CCDC146: variants seen among roughly 807,000 people sequenced by gnomAD.
CCDC146 encodes coiled-coil domain containing 146, also known as coiled-coil domain-containing protein 146.
A neutral mutation model predicts 119.3 loss-of-function variants in CCDC146; 92 were observed. The ratio of observed to expected loss-of-function variants is 0.77; its 90% CI spans 0.65 to 0.92. The LOEUF is 0.92. CCDC146 is among the 40% of genes least tolerant of loss of function. The pLI is 0.00. For synonymous variants in CCDC146, 372 were observed against 371.8 expected (o/e 1.00, Z -0.01); for missense variants, 1,000 against 1,103.0 (o/e 0.91, Z 1.32).
At chr7:77,150,401 G>A (rs1456994727) in intron 1 of CCDC146, among the ~76,000 whole-genome samples, 3 of 152,142 alleles carry the variant, frequency 2.0e-5, no homozygotes, top group Non-Finnish European at 2.9e-5. Context: ...AAAAATATCT[G>A]AACAGATACT....
chr7:77,235,385 C>G (rs1450610736), intron 2 of CCDC146, among the ~76,000 whole-genome samples: 1 of 152,088 alleles, frequency 6.6e-6, no homozygotes, highest in Non-Finnish European at 1.5e-5. Flanking sequence ...TAAGCTGAGA[C>G]ATGAAGAAAG....
intron 1 of CCDC146, among the ~76,000 whole-genome samples, chr7:77,151,697 G>A (rs141395876): frequency 1.3e-5 from 2 of 152,008 alleles, no homozygotes; most frequent in South Asian, 2.1e-4. Context: ...CTGCATTCAG[G>A]GTCATTAGGT....
At chr7:77,148,070 T>C (rs1791050903) in intron 1 of CCDC146, among the ~76,000 whole-genome samples, 1 of 152,184 alleles carries the variant, frequency 6.6e-6, no homozygotes, top group East Asian at 1.9e-4. Flanking sequence ...AGTTCGAGCT[T>C]CCAGGCCACT....
intron 7 of CCDC146, 83 bp from the exon 8 acceptor site, chr7:77,259,926 T>C: frequency 1.0e-6 from 1 of 961,680 alleles, no homozygotes; most frequent in African/African-American, 1.7e-5. Flanking sequence ...CAGCATGGCC[T>C]CAAAATAAGG....
Position 77,179,295 on chromosome 7 carries a change from C to T in CCDC146, c.156+11471C>T, listed in dbSNP as rs1791545349. Among the ~76,000 whole-genome samples the T allele has an allele frequency of 2.0e-5, 3 of 152,058 alleles. No homozygotes were observed. The South Asian group carries it at 6.2e-4, about 32-fold the overall frequency. On this transcript the variant is annotated intron_variant, in intron 2 of 18. Coordinates refer to ENST00000285871, the MANE Select transcript of CCDC146 (RefSeq NM_020879.3). ...GCTATTTTAATATATAAAATATATA[C>T]ATAGTACAAAATCCAGAAGGTGCAG...
chr7:77,279,177 A>C, intron 13 of CCDC146, 76 bp downstream of exon 13: 2 of 1,497,192 alleles, frequency 1.3e-6, no homozygotes, highest in Non-Finnish European at 1.8e-6. Flanking sequence ...TCCTGGGGAT[A>C]AGAAGATAGG....
At chr7:77,149,043 A>C (rs1285188644) in intron 1 of CCDC146, among the ~76,000 whole-genome samples, 1 of 152,182 alleles carries the variant, frequency 6.6e-6, no homozygotes, top group African/African-American at 2.4e-5. Context: ...AAAAAGAACA[A>C]AGCTGGAGGC....
intron 1 of CCDC146, among the ~76,000 whole-genome samples, chr7:77,132,587 A>G (rs1790800372): frequency 6.6e-6 from 1 of 151,606 alleles, no homozygotes; most frequent in Non-Finnish European, 1.5e-5. Flanking sequence ...AAAGAAAAAA[A>G]TCAGCCAGTC....
chr7:77,238,446 T>A (rs1792780435), intron 3 of CCDC146, among the ~76,000 whole-genome samples: 1 of 152,064 alleles, frequency 6.6e-6, no homozygotes, highest in Non-Finnish European at 1.5e-5. Flanking sequence ...AGACAGAGTC[T>A]CCCTCTGTCA....
chr7:77,187,925 C>T lies in CCDC146; in HGVS notation c.156+20101C>T, dbSNP rs187398335. ...TATACCTAACTTAATAGCATAGACC[C>T]GTAACAATAGCTGAGTGTTGGCCAA... On this transcript the variant is annotated intron_variant, in intron 2 of 18. Coordinates refer to ENST00000285871, the MANE Select transcript of CCDC146 (RefSeq NM_020879.3). 1.1e-4 allele frequency among the ~76,000 whole-genome samples: 17 copies of T among 152,216 alleles called. No individual in the cohort carries two copies. The South Asian group carries it at 2.7e-3, about 24-fold the overall frequency.
At chr7:77,182,661 G>A (rs1012776353) in intron 2 of CCDC146, among the ~76,000 whole-genome samples, 3 of 152,060 alleles carry the variant, frequency 2.0e-5, no homozygotes, top group Admixed American at 6.6e-5. Flanking sequence ...CAGGTGGCAC[G>A]ATGGTGCACG....
intron 1 of CCDC146, among the ~76,000 whole-genome samples, chr7:77,144,741 C>T (rs993436206): frequency 6.6e-6 from 1 of 151,820 alleles, no homozygotes. Context: ...ATATGTTGAA[C>T]CAGCCTTGCA....
At chr7:77,259,955 T>C (rs1247418523) in intron 7 of CCDC146, 54 bp from the exon 8 acceptor site, 8 of 253,258 alleles carry the variant, frequency 3.2e-5, no homozygotes, top group Admixed American at 2.6e-4. Flanking sequence ...TGTGTGTGTG[T>C]GTGTGTGTGT....
At chr7:77,289,854 C>A (rs1584151193) in intron 17 of CCDC146, among the ~76,000 whole-genome samples, 2 of 152,230 alleles carry the variant, frequency 1.3e-5, no homozygotes, top group Admixed American at 1.3e-4. Context: ...GATGGACACA[C>A]ACACTCGAGT....
intron 9 of CCDC146, among the ~76,000 whole-genome samples, chr7:77,266,432 C>T (rs370107011): frequency 6.6e-6 from 1 of 152,122 alleles, no homozygotes; most frequent in Non-Finnish European, 1.5e-5. Context: ...CCATTGAATT[C>T]CTACCTATGT....
At chr7:77,199,018 G>A (rs773653724) in intron 2 of CCDC146, 1 of 635,334 alleles carries the variant, frequency 1.6e-6, no homozygotes, top group Non-Finnish European at 2.7e-6. Flanking sequence ...TCATATTTAT[G>A]TGGTCATATT....
intron 2 of CCDC146, among the ~76,000 whole-genome samples, chr7:77,235,867 C>T (rs897450470): frequency 6.6e-6 from 1 of 152,042 alleles, no homozygotes; most frequent in Non-Finnish European, 1.5e-5. Context: ...GTCAGGAGTT[C>T]AAGACCAGCC....
At chr7:77,147,651 C>A (rs1584024395) in intron 1 of CCDC146, among the ~76,000 whole-genome samples, 2 of 152,334 alleles carry the variant, frequency 1.3e-5, no homozygotes, top group Middle Eastern at 6.8e-3. Context: ...AGCTGCAGGT[C>A]TGTTGGAGTT....
intron 1 of CCDC146, among the ~76,000 whole-genome samples, chr7:77,129,430 A>G (rs1297574418): frequency 6.6e-6 from 1 of 152,092 alleles, no homozygotes; most frequent in Non-Finnish European, 1.5e-5. Flanking sequence ...GAAAAAGTGA[A>G]ACATTCTCAA....
Sources: allele counts gnomAD v4.1 joint callset (sites outside exome capture counted in the v4.1 genomes callset), GRCh38; gene constraint gnomAD v4.1.1; transcripts MANE v1.5; gene names NCBI Gene and HGNC (gene_info 2026-07-23, HGNC 2026-07-21).